UBASH3B: variants seen among roughly 807,000 people sequenced by gnomAD.
UBASH3B encodes ubiquitin-associated and SH3 domain-containing protein B.
Under a neutral mutation model 83.4 loss-of-function variants are expected in UBASH3B, and 37 were observed. The observed-to-expected ratio is 0.44, with a 90% CI of 0.34 to 0.58. The LOEUF is 0.58. UBASH3B is among the 20% of genes least tolerant of loss of function. The pLI is 0.01. For missense variants in UBASH3B, 657 were observed against 827.2 expected (o/e 0.79, Z 2.52); for synonymous variants, 304 against 318.3 (o/e 0.96, Z 0.48).
chr11:122,809,550 T>G (rs546345681), intron 13 of UBASH3B, among the ~76,000 whole-genome samples, 199 bp from the exon 14 acceptor site: 2 of 147,052 alleles, frequency 1.4e-5, no homozygotes, highest in East Asian at 4.0e-4. Context: ...CCTCTTGCAA[T>G]GTAAATACTC....
intron 1 of UBASH3B, among the ~76,000 whole-genome samples, chr11:122,699,566 T>TTTCTTTCTTTCTTTCTTTCC (rs1555137188): frequency 4.6e-4 from 62 of 135,750 alleles, no homozygotes; most frequent in East Asian, 1.6e-3. Flanking sequence ...TCTTTCTTTC[T>TTTCTTTCTTTCTTTCTTTCC]TTCTTTCTTT....
intron 1 of UBASH3B, among the ~76,000 whole-genome samples, chr11:122,723,951 G>A (rs1040225505): frequency 2.0e-5 from 3 of 152,242 alleles, no homozygotes; most frequent in Non-Finnish European, 4.4e-5. Flanking sequence ...AGCTGGTTCT[G>A]TGTCATTGGG....
At chr11:122,717,634 T>C (rs1860547303) in intron 1 of UBASH3B, among the ~76,000 whole-genome samples, 1 of 152,196 alleles carries the variant, frequency 6.6e-6, no homozygotes, top group Non-Finnish European at 1.5e-5. Flanking sequence ...AAACAGCCCC[T>C]TAGAAAGTGT....
chr11:122,792,556 T>A (rs1861077657), intron 6 of UBASH3B, among the ~76,000 whole-genome samples: 1 of 152,138 alleles, frequency 6.6e-6, no homozygotes, highest in Non-Finnish European at 1.5e-5. Flanking sequence ...TAACCCCAGG[T>A]GATCTGCCTG....
chr11:122,704,434 C>T (rs146195563), intron 1 of UBASH3B, among the ~76,000 whole-genome samples: 101 of 152,178 alleles, frequency 6.6e-4, no homozygotes, highest in Non-Finnish European at 1.3e-3. Context: ...AGAAGATAAG[C>T]GAATTCCCCG....
chr11:122,783,808 A>C (rs976510055), intron 5 of UBASH3B, among the ~76,000 whole-genome samples: 5 of 152,222 alleles, frequency 3.3e-5, no homozygotes, highest in African/African-American at 1.2e-4. Context: ...TGCACATCCC[A>C]GTGGGAGGCC....
At chr11:122,803,156 C>T (rs896952143) in intron 11 of UBASH3B, among the ~76,000 whole-genome samples, 9 of 152,138 alleles carry the variant, frequency 5.9e-5, no homozygotes, top group African/African-American at 2.2e-4. Flanking sequence ...TCAATTCAAC[C>T]ATTTTCTGTT....
At chr11:122,667,833 T>C (rs143990739) in intron 1 of UBASH3B, among the ~76,000 whole-genome samples, 7 of 152,242 alleles carry the variant, frequency 4.6e-5, no homozygotes, top group African/African-American at 1.7e-4. Flanking sequence ...TTAAGTAAAA[T>C]GAGACCAGAA....
At chr11:122,690,568 G>C (rs1215194266) in intron 1 of UBASH3B, among the ~76,000 whole-genome samples, 1 of 151,986 alleles carries the variant, frequency 6.6e-6, no homozygotes, top group Non-Finnish European at 1.5e-5. Context: ...TGGGGTCCTG[G>C]CAGTCAAACT....
intron 1 of UBASH3B, among the ~76,000 whole-genome samples, chr11:122,728,270 A>G (rs1860780094): frequency 6.6e-6 from 1 of 152,180 alleles, no homozygotes; most frequent in Admixed American, 6.5e-5. Flanking sequence ...GGGCTTCCCT[A>G]GGCTGACCCT....
At chr11:122,662,940 T>C (rs374177177) in intron 1 of UBASH3B, among the ~76,000 whole-genome samples, 4 of 151,898 alleles carry the variant, frequency 2.6e-5, no homozygotes. Flanking sequence ...TGCACACAGC[T>C]TCTATGAAAA....
At chr11:122,764,980 C>T (rs1284514440) in intron 1 of UBASH3B, among the ~76,000 whole-genome samples, 1 of 150,942 alleles carries the variant, frequency 6.6e-6, no homozygotes, top group African/African-American at 2.4e-5. Context: ...GGGTATTTAG[C>T]AAAAGCCTAG....
intron 5 of UBASH3B, among the ~76,000 whole-genome samples, chr11:122,785,948 G>A (rs1860941361): frequency 6.6e-6 from 1 of 152,188 alleles, no homozygotes; most frequent in Non-Finnish European, 1.5e-5. Flanking sequence ...TCAGGGCTGT[G>A]GCTGCATTTC....
At chr11:122,808,265 T>G in intron 13 of UBASH3B, 89 bp downstream of exon 13, 1 of 1,033,048 alleles carries the variant, frequency 9.7e-7, no homozygotes, top group Non-Finnish European at 1.5e-6. Flanking sequence ...CTTTGAAGCA[T>G]GTGTTTATGC....
At chr11:122,715,756 A>C (rs1183070825) in intron 1 of UBASH3B, among the ~76,000 whole-genome samples, 1 of 152,224 alleles carries the variant, frequency 6.6e-6, no homozygotes, top group African/African-American at 2.4e-5. Flanking sequence ...CTTGAGTCTC[A>C]GAACACAACA....
At chr11:122,720,285 C>G (rs1860600726) in intron 1 of UBASH3B, among the ~76,000 whole-genome samples, 1 of 152,204 alleles carries the variant, frequency 6.6e-6, no homozygotes, top group Non-Finnish European at 1.5e-5. Flanking sequence ...CTTGGAGTCA[C>G]CCTTAGCGCC....
chr11:122,787,343 G>A (rs186239104), intron 5 of UBASH3B, among the ~76,000 whole-genome samples: 99 of 152,278 alleles, frequency 6.5e-4, no homozygotes, highest in Admixed American at 2.9e-3. Flanking sequence ...AAAGGGACAG[G>A]AAGAATAAGG....
At chr11:122,780,742 AG>A (rs1455491064) in intron 4 of UBASH3B, among the ~76,000 whole-genome samples, 1 of 152,232 alleles carries the variant, frequency 6.6e-6, no homozygotes, top group Non-Finnish European at 1.5e-5. Flanking sequence ...GAGCACAGGC[AG>A]GCAGGCATGA....
chr11:122,743,965 G>T (rs563474788), intron 1 of UBASH3B, among the ~76,000 whole-genome samples: 4 of 152,216 alleles, frequency 2.6e-5, no homozygotes, highest in African/African-American at 9.7e-5. Context: ...TCAGACAGGC[G>T]TTCAGTACCT....
Sources: allele counts gnomAD v4.1 joint callset (sites outside exome capture counted in the v4.1 genomes callset), GRCh38; gene constraint gnomAD v4.1.1; transcripts MANE v1.5; gene names NCBI Gene and HGNC (gene_info 2026-07-23, HGNC 2026-07-21).